The following MSRA variants were observed in gnomAD, a reference collection of about 807,000 sequenced individuals.
MSRA encodes mitochondrial peptide methionine sulfoxide reductase.
Under a neutral mutation model 31.3 loss-of-function variants are expected in MSRA, and 54 were observed. The observed-to-expected ratio is 1.73, with a 90% CI of 1.39 to 2.17. The LOEUF (loss-of-function observed/expected upper bound fraction) is 2.17. Among genes scored for constraint, MSRA ranks in the 30% most tolerant of loss-of-function variants. The pLI is 0.00. For missense variants in MSRA, 507 were observed against 300.9 expected (o/e 1.69, Z -5.07); for synonymous variants, 169 against 116.5 (o/e 1.45, Z -2.90).
At chr8:10,192,046 G>T (rs548360766) in intron 1 of MSRA, among the ~76,000 whole-genome samples, 2 of 152,052 alleles carry the variant, frequency 1.3e-5, no homozygotes, top group South Asian at 2.1e-4. Context: ...GCAAGCCTCC[G>T]TTTCCTGCCA....
At chr8:10,108,540 A>C (rs1585163870) in intron 1 of MSRA, among the ~76,000 whole-genome samples, 1 of 152,144 alleles carries the variant, frequency 6.6e-6, no homozygotes, top group Non-Finnish European at 1.5e-5. Context: ...TAGAGTTTAC[A>C]TTGACCCCAT....
chr8:10,373,629 G>T (rs1367942413), intron 5 of MSRA, among the ~76,000 whole-genome samples: 1 of 152,266 alleles, frequency 6.6e-6, no homozygotes, highest in African/African-American at 2.4e-5. Context: ...AGGGGATCAG[G>T]GTTGGCTTGC....
intron 3 of MSRA, among the ~76,000 whole-genome samples, chr8:10,287,370 C>G (rs1799991272): frequency 6.6e-6 from 1 of 152,122 alleles, no homozygotes; most frequent in Non-Finnish European, 1.5e-5. Flanking sequence ...ACATGGAGTT[C>G]CCATGAAGAT....
rs546556532 is a variant in MSRA at position 10,109,690 on chromosome 8, C to T, written c.142+55032C>T. ...GCATTGGAATTTAAGTGTTTTGAAACTATATCACACTGTTTTTGAAGAAAC... is the reference window on the plus strand; with the variant it reads ...GCATTGGAATTTAAGTGTTTTGAAATTATATCACACTGTTTTTGAAGAAAC... On this transcript the variant is annotated intron_variant, in intron 1 of 5. Transcript: ENST00000317173. Among the ~76,000 whole-genome samples, 4 of 152,272 alleles carry T rather than the reference C, an allele frequency of 2.6e-5. No individual in the cohort carries two copies. In the East Asian group the frequency reaches 5.8e-4, roughly 22 times the overall value.
chr8:10,353,034 A>T (rs900051094), intron 5 of MSRA, among the ~76,000 whole-genome samples: 2 of 151,638 alleles, frequency 1.3e-5, no homozygotes, highest in Admixed American at 1.3e-4. Flanking sequence ...GCCTGATACC[A>T]TCTTCGTTTG....
intron 5 of MSRA, among the ~76,000 whole-genome samples, chr8:10,417,754 T>TGTG (rs1808557325): frequency 3.1e-5 from 4 of 129,844 alleles, no homozygotes; most frequent in East Asian, 2.3e-4. Context: ...AACCTGCATG[T>TGTG]TGTGTGTGTG....
In MSRA at chr8:10,416,490, A is replaced by C. The variant is rs911445684; in HGVS notation, c.544-11658A>C. Reference sequence around the variant, plus strand: ...TGTGAGGGCCCAGGGTGTTGGAGCCATCACTGGCTGGAGCATGGCTGGTTA... The same window carrying C: ...TGTGAGGGCCCAGGGTGTTGGAGCCCTCACTGGCTGGAGCATGGCTGGTTA... On this transcript the variant is annotated intron_variant, in intron 5 of 5. Coordinates refer to ENST00000317173, the MANE Select transcript of MSRA (RefSeq NM_012331.5). 1.0e-3 allele frequency among the ~76,000 whole-genome samples: 155 copies of C among 152,342 alleles called. 1 individual carries two copies. The highest frequency in any genetic ancestry group is 3.5e-3 in the African/African-American group (145 of 41,580).
intron 1 of MSRA, among the ~76,000 whole-genome samples, chr8:10,165,034 C>T (rs1411356675): frequency 6.6e-6 from 1 of 152,070 alleles, no homozygotes; most frequent in African/African-American, 2.4e-5. Flanking sequence ...ACACAAAAAA[C>T]TGTATTGATG....
chr8:10,353,368 A>G (rs1804307367), intron 5 of MSRA, among the ~76,000 whole-genome samples: 1 of 152,202 alleles, frequency 6.6e-6, no homozygotes, highest in Non-Finnish European at 1.5e-5. Context: ...CTGATCTGGT[A>G]CTGAAGACCA....
chr8:10,320,842 T>C (rs1368991999), intron 5 of MSRA, among the ~76,000 whole-genome samples: 2 of 152,198 alleles, frequency 1.3e-5, no homozygotes, highest in Non-Finnish European at 2.9e-5. Flanking sequence ...CCTAGTTTTA[T>C]GTGCGTGTGT....
At chr8:10,410,560 T>G (rs1808094506) in intron 5 of MSRA, among the ~76,000 whole-genome samples, 1 of 152,114 alleles carries the variant, frequency 6.6e-6, no homozygotes, top group African/African-American at 2.4e-5. Context: ...CACTGAGAGG[T>G]AGATATCTTA....
At chr8:10,156,219 C>G (rs1804141990) in intron 1 of MSRA, among the ~76,000 whole-genome samples, 1 of 152,134 alleles carries the variant, frequency 6.6e-6, no homozygotes, top group South Asian at 2.1e-4. Flanking sequence ...TCGAAACAAA[C>G]AAAATGGCTA....
At chr8:10,296,560 A>T (rs765972115) in intron 3 of MSRA, among the ~76,000 whole-genome samples, 3 of 152,186 alleles carry the variant, frequency 2.0e-5, no homozygotes, top group African/African-American at 7.2e-5. Flanking sequence ...TTCTATTCCA[A>T]TTTTCCCCAT....
chr8:10,154,526 C>A (rs531635767), intron 1 of MSRA, among the ~76,000 whole-genome samples: 1 of 152,028 alleles, frequency 6.6e-6, no homozygotes, highest in East Asian at 1.9e-4. Flanking sequence ...TACAGGCACC[C>A]GCCACCACGC....
At chr8:10,427,587 C>T (rs929986534) in intron 5 of MSRA, among the ~76,000 whole-genome samples, 2 of 152,264 alleles carry the variant, frequency 1.3e-5, no homozygotes, top group East Asian at 1.9e-4. Flanking sequence ...AGAGCCACAG[C>T]GAGTGAGGGG....
chr8:10,091,317 A>G (rs1798842914), intron 1 of MSRA, among the ~76,000 whole-genome samples: 1 of 152,258 alleles, frequency 6.6e-6, no homozygotes, highest in Non-Finnish European at 1.5e-5. Context: ...ATATTTGCAA[A>G]TATGTATACA....
chr8:10,310,603 T>A (rs1304902443), intron 4 of MSRA, among the ~76,000 whole-genome samples: 1 of 152,364 alleles, frequency 6.6e-6, no homozygotes, highest in Non-Finnish European at 1.5e-5. Flanking sequence ...AGTGCTCATG[T>A]GTACGTGATC....
intron 5 of MSRA, among the ~76,000 whole-genome samples, chr8:10,419,795 G>C (rs939930136): frequency 6.6e-6 from 1 of 152,176 alleles, no homozygotes; most frequent in African/African-American, 2.4e-5. Context: ...AGGTGACCCA[G>C]GACAAGCTCT....
intron 5 of MSRA, among the ~76,000 whole-genome samples, chr8:10,339,292 T>A (rs936348948): frequency 9.2e-5 from 14 of 152,262 alleles, no homozygotes; most frequent in African/African-American, 3.4e-4. Flanking sequence ...TTTCTGTAAC[T>A]TTTCTGGCTA....
Sources: allele counts gnomAD v4.1 joint callset (sites outside exome capture counted in the v4.1 genomes callset), GRCh38; gene constraint gnomAD v4.1.1; transcripts MANE v1.5; gene names NCBI Gene and HGNC (gene_info 2026-07-23, HGNC 2026-07-21).